Variants in TRPM1 observed in about 807,000 individuals in gnomAD.
TRPM1 encodes transient receptor potential cation channel subfamily M member 1, also known as TRPM1-203 APA Isoform, Intron 10.
Under a neutral mutation model 149.4 loss-of-function variants are expected in TRPM1, and 113 were observed. The observed-to-expected ratio is 0.76, with a 90% CI of 0.65 to 0.88. The LOEUF (loss-of-function observed/expected upper bound fraction) is 0.88, where lower values mean the gene tolerates loss of function less well. TRPM1 is among the 40% of genes least tolerant of loss of function. TRPM1 has a pLI of 0.00. For missense variants in TRPM1, 1,976 were observed against 2,038.7 expected (o/e 0.97, Z 0.59); for synonymous variants, 741 against 759.5 (o/e 0.98, Z 0.40).
intron 27 of TRPM1, among the ~76,000 whole-genome samples, chr15:31,011,848 G>A (rs977328490): frequency 6.6e-6 from 1 of 152,006 alleles, no homozygotes; most frequent in Non-Finnish European, 1.5e-5. Context: ...ATTTTCAATA[G>A]AGATGGGGTT....
chr15:31,152,383 G>A lies in TRPM1; in HGVS notation c.54+8523C>T, dbSNP rs1009626193. Among the ~76,000 whole-genome samples the A allele has an allele frequency of 4.6e-5, 7 of 152,202 alleles. 1 individual carries two copies. The East Asian group carries it at 1.3e-3, about 29-fold the overall frequency. On this transcript the variant is annotated intron_variant, in intron 1 of 26. Coordinates refer to the TRPM1 transcript ENST00000542188. ...GTCTTCAGCAGCCCTGGGCACTGCT[G>A]CCCTGGAAGATGCTCCTGTGGAAGT...
chr15:31,008,421 A>C (rs1595973341), intron 27 of TRPM1, among the ~76,000 whole-genome samples: 1 of 152,244 alleles, frequency 6.6e-6, no homozygotes, highest in East Asian at 1.9e-4. Context: ...GAATTTCATC[A>C]AATGCTTTTT....
In TRPM1 at chr15:31,071,421, T is replaced by TGTGTAAC. The variant is rs534201702; in HGVS notation, c.84-1196_84-1195insGTTACAC. Among the ~76,000 whole-genome samples the TGTGTAAC allele has an allele frequency of 4.4e-3, 663 of 152,228 alleles. 7 individuals are homozygous for TGTGTAAC. The highest frequency in any genetic ancestry group is 9.1e-3 in the Admixed American group (140 of 15,302). On this transcript the variant is annotated intron_variant, in intron 3 of 27. Coordinates refer to ENST00000256552, the MANE Select transcript of TRPM1 (RefSeq NM_001252024.2). ...TGTGCGAATGCGTGCACGTGTGTAA[T>TGTGTAAC]GCACATGTGCAGGGCCCTTGCCAGA...
chr15:31,096,176 A>G (rs2141008861), intron 1 of TRPM1, among the ~76,000 whole-genome samples: 1 of 152,124 alleles, frequency 6.6e-6, no homozygotes, highest in East Asian at 1.9e-4. Flanking sequence ...AAAAGAGAGA[A>G]AGAAAGAGCA....
intron 1 of TRPM1, among the ~76,000 whole-genome samples, chr15:31,090,478 A>T (rs2035205143): frequency 6.6e-6 from 1 of 152,086 alleles, no homozygotes; most frequent in Non-Finnish European, 1.5e-5. Context: ...CTTTACTAAA[A>T]ATACAAAAAT....
intron 27 of TRPM1, among the ~76,000 whole-genome samples, chr15:31,013,812 T>C (rs543826589): frequency 6.6e-4 from 100 of 152,356 alleles, no homozygotes; most frequent in Non-Finnish European, 1.2e-3. Context: ...GTAAAGTCTA[T>C]ATTCTTTATG....
chr15:31,115,481 C>G (rs1031037599), intron 1 of TRPM1, among the ~76,000 whole-genome samples: 3 of 152,014 alleles, frequency 2.0e-5, no homozygotes, highest in Non-Finnish European at 4.4e-5. Flanking sequence ...CTTCTAGAAT[C>G]GGAGAAAATG....
chr15:31,036,645 G>A (rs1401668017), intron 20 of TRPM1, among the ~76,000 whole-genome samples: 1 of 152,218 alleles, frequency 6.6e-6, no homozygotes, highest in Non-Finnish European at 1.5e-5. Context: ...TGAGACCCAA[G>A]GCTGAGAGGC....
At chr15:31,116,946 C>G (rs550251758) in intron 1 of TRPM1, among the ~76,000 whole-genome samples, 11 of 152,142 alleles carry the variant, frequency 7.2e-5, no homozygotes, top group Admixed American at 2.0e-4. Flanking sequence ...TATGCCAAAA[C>G]GCAAGAAAAG....
Position 31,081,432 on chromosome 15 carries a change from C to G in TRPM1, c.-77G>C. 1 of 1,532,974 alleles carries G rather than the reference C, an allele frequency of 6.5e-7. No homozygotes were observed. Among genetic ancestry groups the G allele is most frequent in the Non-Finnish European group, 8.7e-7 (1 of 1,145,032 alleles). 95.0% of individuals were successfully genotyped at this position (1,532,974 alleles called of 1,614,324 possible). ...TTACTGCTGAGTCCTCAGAAATCTTCTAGAACCTACGAGGATAAACAAGAG... is the reference window on the plus strand; with the variant it reads ...TTACTGCTGAGTCCTCAGAAATCTTGTAGAACCTACGAGGATAAACAAGAG... On this transcript the variant is annotated 5_prime_UTR_variant, in exon 2 of 28. Transcript: ENST00000256552.
rs571759458 is a variant in TRPM1 at position 31,129,710 on chromosome 15, C to T, written c.54+31196G>A. Among the ~76,000 whole-genome samples the T allele has an allele frequency of 5.8e-4, 88 of 152,222 alleles. 1 individual carries two copies. The Middle Eastern group carries it at 0.02, about 35-fold the overall frequency. ...AACCGTAGTATATGCTAAACATAGC[C>T]CAGATGTTCGTGTCAGCTGTCTGTG... On this transcript the variant is annotated intron_variant, in intron 1 of 26. Coordinates refer to the TRPM1 transcript ENST00000542188.
intron 12 of TRPM1, among the ~76,000 whole-genome samples, chr15:31,050,135 G>A (rs372056112): frequency 1.3e-5 from 2 of 152,250 alleles, no homozygotes; most frequent in East Asian, 3.8e-4. Flanking sequence ...ATGTCTGCCA[G>A]GTACAGAACC....
chr15:31,132,747 A>G (rs942137775), intron 1 of TRPM1, among the ~76,000 whole-genome samples: 1 of 152,158 alleles, frequency 6.6e-6, no homozygotes, highest in African/African-American at 2.4e-5. Flanking sequence ...CATGGGAGGA[A>G]CCCAGTGGGA....
At chr15:31,109,344 A>AG (rs2035651979) in intron 1 of TRPM1, among the ~76,000 whole-genome samples, 1 of 147,124 alleles carries the variant, frequency 6.8e-6, no homozygotes, top group Non-Finnish European at 1.5e-5. Flanking sequence ...AAAAAAAAAA[A>AG]AAAAAAAAAA....
chr15:31,087,150 G>T (rs1414030561), intron 1 of TRPM1, among the ~76,000 whole-genome samples: 2 of 150,346 alleles, frequency 1.3e-5, no homozygotes, highest in African/African-American at 4.9e-5. Context: ...TACAGCCACT[G>T]TGGAAACCAG....
At position 31,001,695 on chromosome 15, in the gene TRPM1, A is replaced by G. The variant is rs1447204270; in HGVS notation, c.*127T>C. On this transcript the variant is annotated 3_prime_UTR_variant, in exon 28 of 28. Transcript: ENST00000256552. ...CTACTTTTAGTGCATTAAATTGTAA[A>G]TCAAGTCTGAATTTCCAAAATTTTT... is the stretch of plus-strand genomic sequence containing the variant. 28 of 978,828 alleles carry G rather than the reference A, an allele frequency of 2.9e-5. No individual in the cohort carries two copies. The highest frequency in any genetic ancestry group is 4.0e-5 in the Non-Finnish European group (27 of 671,224). The allele number at this position is 978,828 out of a possible 1,614,324, so 60.6% of individuals were successfully genotyped here. A position where few individuals can be genotyped will look rare whatever the true frequency, so the allele number is the denominator to read the frequency against.
chr15:31,142,420 T>A (rs1403550305), intron 1 of TRPM1, among the ~76,000 whole-genome samples: 1 of 152,210 alleles, frequency 6.6e-6, no homozygotes, highest in African/African-American at 2.4e-5. Context: ...TATTGTGAGA[T>A]CTTGTAGGTA....
intron 22 of TRPM1, 119 bp from the exon 23 acceptor site, chr15:31,031,276 G>T: frequency 1.8e-6 from 2 of 1,108,110 alleles, no homozygotes; most frequent in Non-Finnish European, 2.7e-6. Context: ...GACGAAGAAA[G>T]CCTCTTTCCC....
intron 2 of TRPM1, 143 bp downstream of exon 2, chr15:31,081,210 C>T: frequency 2.8e-6 from 2 of 722,232 alleles, no homozygotes; most frequent in South Asian, 1.5e-5. Context: ...GCAACTGGCG[C>T]CATGGCCCGA....
Sources: gnomAD v4.1 joint callset for allele counts (sites outside exome capture counted in the v4.1 genomes callset) on GRCh38, gnomAD v4.1.1 for gene constraint, MANE v1.5 for transcripts, NCBI Gene and HGNC (gene_info 2026-07-23, HGNC 2026-07-21) for gene names.